Variants in NSD1 observed in about 807,000 individuals in gnomAD.
NSD1 encodes nuclear receptor binding SET domain protein 1.
In NSD1, 26 loss-of-function variants were observed where a neutral mutation model predicts 242.7. The observed-to-expected ratio is 0.11, with a 90% confidence interval of 0.08 to 0.15. The LOEUF (loss-of-function observed/expected upper bound fraction) is 0.15. Among genes scored for constraint, NSD1 ranks in the 10% least tolerant of loss-of-function variants. The probability of loss-of-function intolerance (pLI) is 1.00; values close to 1 mark genes in which losing one functional copy is unlikely to be tolerated. For missense variants in NSD1, 2,495 were observed against 3,272.8 expected, an observed-to-expected ratio of 0.76 and a Z score of 5.80; for synonymous variants, 1,106 against 1,178.1, an observed-to-expected ratio of 0.94 and a Z score of 1.25.
At chr5:177,291,425 CG>C (rs1288752272) in intron 21 of NSD1, among the ~76,000 whole-genome samples, 1 of 152,134 alleles carries the variant, frequency 6.6e-6, no homozygotes, top group African/African-American at 2.4e-5. Flanking sequence ...GAGGCCAAAG[CG>C]GGTGGGTCAC....
At chr5:177,203,199 A>G (rs1356816462) in intron 3 of NSD1, among the ~76,000 whole-genome samples, 2 of 152,106 alleles carry the variant, frequency 1.3e-5, no homozygotes, top group Non-Finnish European at 2.9e-5. Flanking sequence ...AAAGTGACAA[A>G]TTGTTAAACA....
chr5:177,204,278 G>C lies in NSD1; in HGVS notation c.1222G>C (p.Gly408Arg). 6.2e-7 allele frequency: 1 copy of C among 1,613,838 alleles called. No individual in the cohort carries two copies. The highest frequency in any genetic ancestry group is 8.5e-7 in the Non-Finnish European group (1 of 1,179,842). Residue 408 changes from glycine (G) to arginine (R), a missense_variant, in exon 4 of 23, where the codon GGA becomes CGA. Transcript: ENST00000439151. ...LRRRGKQKEK[G>R]YRHKVPQKIL... ...GAGAAGAGGGAAACAGAAAGAAAAA[G>C]GATATAGGCATAAGGTAGGAAACGA...
chr5:177,204,469 T>A (rs1762733274), intron 4 of NSD1, among the ~76,000 whole-genome samples, 177 bp downstream of exon 4: 1 of 152,204 alleles, frequency 6.6e-6, no homozygotes, highest in South Asian at 2.1e-4. Context: ...TTCTCGTGCT[T>A]CAGCCTCTTG....
intron 6 of NSD1, among the ~76,000 whole-genome samples, 189 bp downstream of exon 6, chr5:177,236,134 GTATT>G (rs1176481222): frequency 6.6e-6 from 1 of 152,016 alleles, no homozygotes; most frequent in African/African-American, 2.4e-5. Flanking sequence ...TCTACATATT[GTATT>G]TATTTATGTA....
chr5:177,289,063 T>G, intron 21 of NSD1, 138 bp downstream of exon 21: 1 of 710,194 alleles, frequency 1.4e-6, no homozygotes, highest in East Asian at 2.8e-5. Flanking sequence ...CTCATGCCTG[T>G]AATCCCAGCA....
chr5:177,166,745 T>C (rs74453074), intron 2 of NSD1, among the ~76,000 whole-genome samples: 1 of 145,312 alleles, frequency 6.9e-6, no homozygotes, highest in South Asian at 2.1e-4. Flanking sequence ...TTGAGTTACT[T>C]TTTTTTTTTT....
At chr5:177,290,658 C>G (rs527971325) in intron 21 of NSD1, among the ~76,000 whole-genome samples, 183 of 152,308 alleles carry the variant, frequency 1.2e-3, no homozygotes, top group African/African-American at 4.3e-3. Flanking sequence ...ATCCACCTGC[C>G]TCAGCCTCCC....
intron 2 of NSD1, chr5:177,137,319 A>G (rs750435458): frequency 2.4e-5 from 4 of 163,352 alleles, no homozygotes; most frequent in Non-Finnish European, 5.3e-5. Flanking sequence ...TGGCCAACAA[A>G]TGTCTCATAC....
Position 177,291,972 on chromosome 5 carries a change from G to A in NSD1, c.6277G>A (p.Glu2093Lys), listed in dbSNP as rs1759870002. The A allele has an allele frequency of 1.2e-6, 2 of 1,613,830 alleles. No individual in the cohort carries two copies. Among genetic ancestry groups the A allele is most frequent in the Non-Finnish European group, 1.7e-6 (2 of 1,179,888 alleles). Residue 2093 changes from glutamate (E) to lysine (K), a missense_variant, in exon 22 of 23, where the codon GAA becomes AAA. Around this residue, in one of 19 missense-constraint regions of NSD1, gnomAD observed 27 missense variants for 33.4 expected, o/e 0.81. Coordinates refer to ENST00000439151, the MANE Select transcript of NSD1 (RefSeq NM_022455.5). ...CCTGTAGAATCAACCCATTGCCACG[G>A]AAGAAAAGTCAAAGAAATTCAAGAA... ...VRPKNQPIAT[E>K]EKSKKFKKKQ...
intron 11 of NSD1, among the ~76,000 whole-genome samples, chr5:177,249,739 G>T (rs544542512): frequency 1.1e-4 from 17 of 152,108 alleles, no homozygotes; most frequent in Admixed American, 1.1e-3. Flanking sequence ...TGCCCGCCTC[G>T]GCCTCCCAAA....
Position 177,211,328 on chromosome 5 carries a change from A to G in NSD1, c.2929A>G (p.Asn977Asp), listed in dbSNP as rs751474701. The G allele has an allele frequency of 1.9e-6, 3 of 1,614,132 alleles. No individual in the cohort carries two copies. Among genetic ancestry groups the G allele is most frequent in the Non-Finnish European group, 2.5e-6 (3 of 1,180,030 alleles). ...KKGDGTQNSA[N>D]PSPSGGDSAL... ...GGGAGATGGCACTCAGAACTCCGCC[A>G]ATCCTAGCCCTAGTGGGGGTGACTC... Residue 977 changes from asparagine (N) to aspartate (D), a missense_variant, in exon 5 of 23, where the codon AAT becomes GAT. This residue lies in a region of NSD1 where 426 missense variants were observed against 411.4 expected (regional missense o/e 1.04). Coordinates refer to ENST00000439151, the MANE Select transcript of NSD1 (RefSeq NM_022455.5).
At chr5:177,240,553 A>C (rs1392686182) in intron 8 of NSD1, among the ~76,000 whole-genome samples, 2 of 152,062 alleles carry the variant, frequency 1.3e-5, no homozygotes, top group Non-Finnish European at 2.9e-5. Flanking sequence ...CTCTACTAAA[A>C]ATACAAAAAA....
chr5:177,179,377 A>T (rs1446597636), intron 2 of NSD1, among the ~76,000 whole-genome samples: 1 of 152,060 alleles, frequency 6.6e-6, no homozygotes, highest in Non-Finnish European at 1.5e-5. Context: ...CACCACGCCC[A>T]GCTGATTTTG....
At chr5:177,278,951 A>G (rs1381707121) in intron 17 of NSD1, among the ~76,000 whole-genome samples, 1 of 152,234 alleles carries the variant, frequency 6.6e-6, no homozygotes, top group East Asian at 1.9e-4. Flanking sequence ...GTGTCACAAT[A>G]ACTGTTTGAC....
At chr5:177,284,456 T>TC (rs1759140572) in intron 20 of NSD1, among the ~76,000 whole-genome samples, 1 of 147,336 alleles carries the variant, frequency 6.8e-6, no homozygotes, top group South Asian at 2.1e-4. Flanking sequence ...TTGTTTTTTG[T>TC]TTTTTTTTTG....
chr5:177,181,426 G>GTTTTTTTTTTTTTTTTTTTT (rs1554183364), intron 2 of NSD1, among the ~76,000 whole-genome samples: 1 of 119,776 alleles, frequency 8.3e-6, no homozygotes. Context: ...GTTTTTTTTT[G>GTTTTTTTTTTTTTTTTTTTT]GTTTTTTTTT....
chr5:177,271,434 G>A (rs1025500252), intron 16 of NSD1, among the ~76,000 whole-genome samples: 6 of 152,148 alleles, frequency 3.9e-5, no homozygotes, highest in African/African-American at 1.4e-4. Flanking sequence ...TCTTGCAGAT[G>A]AGGAAACTGA....
At chr5:177,170,547 T>G (rs1442916468) in intron 2 of NSD1, among the ~76,000 whole-genome samples, 1 of 151,868 alleles carries the variant, frequency 6.6e-6, no homozygotes, top group Non-Finnish European at 1.5e-5. Context: ...GAGACGGGGT[T>G]TCACCATGTT....
rs942111600 is a variant in NSD1, at chr5:177,134,277, C to T, written c.-18+325C>T. 1 of 151,986 alleles carries T rather than the reference C, an allele frequency of 6.6e-6. No individual in the cohort carries two copies. Among genetic ancestry groups the T allele is most frequent in the Non-Finnish European group, 1.5e-5 (1 of 67,992 alleles). The allele number at this position is 151,986 out of a possible 1,614,324, so 9.4% of individuals were successfully genotyped here. ...GGCTGCGGGGCGCGGGGCCGGCTGC[C>T]CTCCCGCAGCAAACTTTGCTTGCTG... On this transcript the variant is annotated intron_variant, in intron 1 of 22. Transcript: ENST00000439151. This position sits in a 1 kb window ranked among gnomAD's most constrained non-coding sequence, Gnocchi z 4.2.
Sources: gnomAD v4.1 joint callset for allele counts (sites outside exome capture counted in the v4.1 genomes callset) on GRCh38, gnomAD v4.1.1 for gene constraint, gnomAD v4.1.1 regional missense constraint, Gnocchi (gnomAD v3.1) non-coding constraint, MANE v1.5 for transcripts, NCBI Gene and HGNC (gene_info 2026-07-23, HGNC 2026-07-21) for gene names.